The following LRRC3C variants were observed in gnomAD, a reference collection of about 807,000 sequenced individuals.
LRRC3C encodes leucine rich repeat containing 3C, also known as leucine-rich repeat-containing protein 3C.
LRRC3C carries 11 observed loss-of-function variants against 14.8 expected under a neutral mutation model. The ratio of observed to expected loss-of-function variants is 0.74; its 90% CI spans 0.47 to 1.23. LRRC3C has a LOEUF of 1.23. Ranked by LOEUF, LRRC3C falls within the 50% of genes most tolerant of loss-of-function variation. The pLI, the probability that LRRC3C is intolerant of heterozygous loss-of-function variation, is 0.00. For missense variants in LRRC3C, 354 were observed against 361.8 expected (o/e 0.98, Z 0.18); for synonymous variants, 149 against 161.5 (o/e 0.92, Z 0.59).
At position 39,944,420 on chromosome 17, in the gene LRRC3C, C is replaced by G. The variant is rs72832968; in HGVS notation, c.514C>G (p.Leu172Val). 0.05 allele frequency: 74,215 copies of G among 1,496,886 alleles called. 2,197 individuals carry two copies. Among genetic ancestry groups the G allele is most frequent in the Non-Finnish European group, 0.058 (65,676 of 1,125,678 alleles). The allele number at this position is 1,496,886 out of a possible 1,614,324, so 92.7% of individuals were successfully genotyped here. A position where few individuals can be genotyped will look rare whatever the true frequency, so the allele number is the denominator to read the frequency against. Reference sequence around the variant, plus strand: ...CTGTGACTGCGCCCTCCAGGAAGTGCTCCGGCAGGTGAGGCTGGTGCCGGG... The same window carrying G: ...CTGTGACTGCGCCCTCCAGGAAGTGGTCCGGCAGGTGAGGCTGGTGCCGGG... ...WHCDCALQEV[L>V]RQVRLVPGTG... The change falls in exon 4 of 4, where the codon CTC becomes GTC. Residue 172 changes from leucine to valine, a missense_variant. Coordinates refer to ENST00000377924, the MANE Select transcript of LRRC3C (RefSeq NM_001195545.2).
intron 2 of LRRC3C, among the ~76,000 whole-genome samples, chr17:39,938,468 G>T (rs1233499057): frequency 6.6e-6 from 1 of 151,666 alleles, no homozygotes; most frequent in Admixed American, 6.6e-5. Context: ...TTTTTGCAGG[G>T]GGCCAAGGCA....
chr17:39,943,745 G>A (rs891925407), intron 3 of LRRC3C, among the ~76,000 whole-genome samples, 188 bp from the exon 4 acceptor site: 11 of 152,230 alleles, frequency 7.2e-5, no homozygotes, highest in Admixed American at 1.3e-4. Context: ...AGACCCTATT[G>A]AGGAGACTTA....
At position 39,944,661 on chromosome 17, in the gene LRRC3C, G is replaced by A. The variant is rs1302989801; in HGVS notation, c.755G>A (p.Arg252Lys). 6.5e-7 allele frequency: 1 copy of A among 1,536,022 alleles called. No individual in the cohort carries two copies. Among genetic ancestry groups the A allele is most frequent in the Admixed American group, 2.0e-5 (1 of 50,980 alleles). ...GTGTGGCAGAACCGAGATGAGACCAGGCGCTCCCTCAAGCGGGCCCCAGTG... is the reference window on the plus strand; with the variant it reads ...GTGTGGCAGAACCGAGATGAGACCAAGCGCTCCCTCAAGCGGGCCCCAGTG... The part of the protein sequence containing the change: ...HYVWQNRDET[R>K]RSLKRAPVLP... The change falls in exon 4 of 4, where the codon AGG becomes AAG. Residue 252 changes from arginine to lysine, a missense_variant. Arg to Lys is a conservative substitution (Grantham distance 26). Transcript: ENST00000377924.
intron 3 of LRRC3C, among the ~76,000 whole-genome samples, chr17:39,942,563 T>G (rs1978967517): frequency 6.6e-6 from 1 of 152,074 alleles, no homozygotes. Context: ...AGGCTTCAGG[T>G]GCCTTAAAGA....
chr17:39,937,184 C>G (rs991787972), intron 2 of LRRC3C, among the ~76,000 whole-genome samples: 3 of 151,536 alleles, frequency 2.0e-5, no homozygotes, highest in Admixed American at 2.0e-4. Flanking sequence ...GCCTGTAATC[C>G]CAGCACCTTG....
At position 39,941,547 on chromosome 17, in the gene LRRC3C, C is replaced by T. The variant is rs1382006006; in HGVS notation, c.24C>T (p.Phe8=). 2.6e-6 allele frequency: 4 copies of T among 1,535,614 alleles called. No individual in the cohort carries two copies. Among genetic ancestry groups the T allele is most frequent in the Admixed American group, 2.0e-5 (1 of 50,954 alleles). The change falls in exon 3 of 4, where the codon TTC becomes TTT. Residue 8 remains phenylalanine (F), a splice_region_variant and synonymous_variant. Coordinates refer to ENST00000377924, the MANE Select transcript of LRRC3C (RefSeq NM_001195545.2). ...CAATGCGTATGACCTCATCTTCCTT[C>T]GTGTAAGTATATCCACCCCTAGTCT... MRMTSSS[F]VSYCTPGLCQ...
chr17:39,933,732 C>CAAA (rs927095241), intron 1 of LRRC3C, among the ~76,000 whole-genome samples: 1 of 150,398 alleles, frequency 6.6e-6, no homozygotes, highest in African/African-American at 2.4e-5. Flanking sequence ...GACTCCGTCT[C>CAAA]AAAAAAAAAG....
chr17:39,939,433 C>A (rs1978882902), intron 2 of LRRC3C: 5 of 984,310 alleles, frequency 5.1e-6, no homozygotes, highest in Non-Finnish European at 4.8e-6. Context: ...TCAACTCAGG[C>A]TGCTCGTTAG....
At chr17:39,936,540 C>G (rs1433547734) in intron 2 of LRRC3C, among the ~76,000 whole-genome samples, 1 of 151,886 alleles carries the variant, frequency 6.6e-6, no homozygotes, top group African/African-American at 2.4e-5. Context: ...CGGTGGCTCA[C>G]GCTTGTAATC....
At chr17:39,938,524 C>T (rs1978858490) in intron 2 of LRRC3C, among the ~76,000 whole-genome samples, 2 of 137,242 alleles carry the variant, frequency 1.5e-5, no homozygotes, top group Admixed American at 1.5e-4. Context: ...AAGTGAGACC[C>T]TCATCTCTAC....
At chr17:39,928,181 A>T (rs372264758) in intron 1 of LRRC3C, among the ~76,000 whole-genome samples, 10 of 152,058 alleles carry the variant, frequency 6.6e-5, no homozygotes, top group South Asian at 4.1e-4. Flanking sequence ...GGACCGGGCC[A>T]CATCCTTGGC....
intron 3 of LRRC3C, 119 bp downstream of exon 3, chr17:39,941,668 C>A: frequency 3.4e-6 from 3 of 871,128 alleles, no homozygotes; most frequent in Non-Finnish European, 5.4e-6. Flanking sequence ...TACCATCAGG[C>A]TCAACGTGCA....
At chr17:39,933,682 G>A (rs1417184583) in intron 1 of LRRC3C, among the ~76,000 whole-genome samples, 1 of 152,076 alleles carries the variant, frequency 6.6e-6, no homozygotes, top group Non-Finnish European at 1.5e-5. Context: ...GCAGTGAGCC[G>A]AGATGGCGCC....
At chr17:39,938,167 C>T (rs1463527044) in intron 2 of LRRC3C, among the ~76,000 whole-genome samples, 1 of 152,100 alleles carries the variant, frequency 6.6e-6, no homozygotes. Flanking sequence ...CAGACACATG[C>T]CACATGGGTG....
intron 1 of LRRC3C, among the ~76,000 whole-genome samples, chr17:39,930,567 G>A (rs1285548281): frequency 1.3e-5 from 2 of 151,034 alleles, no homozygotes; most frequent in Admixed American, 6.6e-5. Flanking sequence ...AACTAGCTGG[G>A]TGTGGTGATG....
chr17:39,934,177 G>C (rs1222577097), intron 1 of LRRC3C, among the ~76,000 whole-genome samples: 1 of 152,234 alleles, frequency 6.6e-6, no homozygotes, highest in African/African-American at 2.4e-5. Context: ...CCATCCCCCA[G>C]CCTGTGCCTG....
At chr17:39,933,409 G>GAAGGGA (rs1299262936) in intron 1 of LRRC3C, among the ~76,000 whole-genome samples, 2 of 152,084 alleles carry the variant, frequency 1.3e-5, no homozygotes, top group African/African-American at 4.8e-5. Context: ...GCTGCTGGCC[G>GAAGGGA]TGTTCAGAAG....
In LRRC3C at chr17:39,944,880, G is replaced by C; in HGVS notation, c.*146G>C. 1.5e-6 allele frequency: 1 copy of C among 689,600 alleles called. No individual in the cohort carries two copies. The highest frequency in any genetic ancestry group is 1.9e-5 in the South Asian group (1 of 52,156). The allele number at this position is 689,600 out of a possible 1,614,324, so 42.7% of individuals were successfully genotyped here. On this transcript the variant is annotated 3_prime_UTR_variant, in exon 4 of 4. Transcript: ENST00000377924. Reference sequence around the variant, plus strand: ...CCTCCTTTATTCCCCCTAAATACCTGTGCTGGTTCTCTCTCTCTCTCTCTG... The same window carrying C: ...CCTCCTTTATTCCCCCTAAATACCTCTGCTGGTTCTCTCTCTCTCTCTCTG...
At chr17:39,930,899 T>C (rs1978632375) in intron 1 of LRRC3C, among the ~76,000 whole-genome samples, 1 of 151,700 alleles carries the variant, frequency 6.6e-6, no homozygotes, top group Admixed American at 6.6e-5. Context: ...CCCAGCACTT[T>C]GGGAGGCTCA....
Sources: gnomAD v4.1 joint callset for allele counts (sites outside exome capture counted in the v4.1 genomes callset) on GRCh38, gnomAD v4.1.1 for gene constraint, MANE v1.5 for transcripts, NCBI Gene and HGNC (gene_info 2026-07-23, HGNC 2026-07-21) for gene names.